POU3F3: variants seen among roughly 807,000 people sequenced by gnomAD.
POU3F3 encodes POU domain, class 3, transcription factor 3.
POU3F3 carries 1 observed loss-of-function variant against 8.6 expected under a neutral mutation model. That is an observed-to-expected ratio of 0.12 (90% CI 0.04 to 0.55). POU3F3 has a LOEUF of 0.55. POU3F3 is among the 20% of genes least tolerant of loss of function. The pLI, the probability that POU3F3 is intolerant of heterozygous loss-of-function variation, is 0.91. For synonymous variants in POU3F3, 418 were observed against 327.4 expected (o/e 1.28, Z -2.99); for missense variants, 577 against 690.7 (o/e 0.84, Z 1.84).
chr2:104,858,998 C>G (rs1676624943), downstream of POU3F3, among the ~76,000 whole-genome samples: 1 of 151,964 alleles, frequency 6.6e-6, no homozygotes, highest in South Asian at 2.1e-4. Context: ...CCCCTCCCAA[C>G]ATGTTCCTGT....
the POU3F3 span, among the ~76,000 whole-genome samples, chr2:104,903,607 C>A: frequency 6.6e-6 from 1 of 152,176 alleles, no homozygotes; most frequent in Non-Finnish European, 1.5e-5. Flanking sequence ...GAGGTAAACT[C>A]TCCTAATTAA....
chr2:104,904,648 A>G, the POU3F3 span, among the ~76,000 whole-genome samples: 2 of 152,150 alleles, frequency 1.3e-5, no homozygotes. Context: ...AATATATGGC[A>G]TGGCACACAC....
chr2:104,894,318 TA>T, the POU3F3 span, among the ~76,000 whole-genome samples: 1 of 152,252 alleles, frequency 6.6e-6, no homozygotes, highest in Non-Finnish European at 1.5e-5. Flanking sequence ...AGTCTGACTT[TA>T]AAAACTGCTT....
chr2:104,881,114 A>AC, the POU3F3 span, among the ~76,000 whole-genome samples: 4 of 100,940 alleles, frequency 4.0e-5, no homozygotes, highest in Non-Finnish European at 8.7e-5. Context: ...TTCTTTCTTT[A>AC]TTTCTTACTT....
chr2:104,898,888 G>A, the POU3F3 span, among the ~76,000 whole-genome samples: 1 of 152,204 alleles, frequency 6.6e-6, no homozygotes, highest in East Asian at 1.9e-4. Flanking sequence ...TTTTTTACCT[G>A]TTAAATTTTT....
the POU3F3 span, among the ~76,000 whole-genome samples, chr2:104,912,370 T>C: frequency 6.6e-6 from 1 of 152,224 alleles, no homozygotes; most frequent in Non-Finnish European, 1.5e-5. Flanking sequence ...GTTCTGCTTC[T>C]ACTCTTGACT....
chr2:104,889,303 GA>G, the POU3F3 span, among the ~76,000 whole-genome samples: 1 of 152,276 alleles, frequency 6.6e-6, no homozygotes, highest in East Asian at 1.9e-4. Flanking sequence ...AGAAAAAAGG[GA>G]AACAGGGACT....
the POU3F3 span, among the ~76,000 whole-genome samples, chr2:104,878,431 C>T: frequency 6.6e-6 from 1 of 152,184 alleles, no homozygotes; most frequent in African/African-American, 2.4e-5. Flanking sequence ...GCACGTACTA[C>T]AGTATAGGCT....
At chr2:104,899,262 A>G in the POU3F3 span, among the ~76,000 whole-genome samples, 1 of 152,224 alleles carries the variant, frequency 6.6e-6, no homozygotes, top group Non-Finnish European at 1.5e-5. Flanking sequence ...CCCACAGAGG[A>G]ACTCCGGGGC....
chr2:104,885,586 T>C, the POU3F3 span, among the ~76,000 whole-genome samples: 5 of 152,172 alleles, frequency 3.3e-5, no homozygotes, highest in East Asian at 3.9e-4. Context: ...ACCAGCACCA[T>C]GACAATTTAC....
At chr2:104,907,955 G>A in the POU3F3 span, among the ~76,000 whole-genome samples, 2 of 152,142 alleles carry the variant, frequency 1.3e-5, no homozygotes, top group African/African-American at 2.4e-5. Context: ...GCATGTGTGT[G>A]TGTGATTTTA....
the POU3F3 span, among the ~76,000 whole-genome samples, chr2:104,877,129 G>A: frequency 6.6e-6 from 1 of 152,084 alleles, no homozygotes; most frequent in Admixed American, 6.5e-5. Flanking sequence ...ACACAAAAGG[G>A]TTATGTTTGG....
the POU3F3 span, among the ~76,000 whole-genome samples, chr2:104,900,547 C>T: frequency 6.6e-6 from 1 of 152,164 alleles, no homozygotes; most frequent in African/African-American, 2.4e-5. Context: ...CTACTCTTCT[C>T]TCGCTGTTGT....
the POU3F3 span, among the ~76,000 whole-genome samples, chr2:104,873,486 G>A: frequency 6.6e-6 from 1 of 152,154 alleles, no homozygotes; most frequent in Non-Finnish European, 1.5e-5. Flanking sequence ...GCCACGCGTA[G>A]TGCCAGGCAA....
At chr2:104,921,252 C>G in the POU3F3 span, among the ~76,000 whole-genome samples, 445 of 152,202 alleles carry the variant, frequency 2.9e-3, 1 homozygote, top group African/African-American at 0.01. Flanking sequence ...ACTGGATGCT[C>G]ATGTGCATGA....
the POU3F3 span, among the ~76,000 whole-genome samples, chr2:104,876,031 G>C: frequency 2.6e-5 from 4 of 152,162 alleles, no homozygotes; most frequent in Non-Finnish European, 4.4e-5. Context: ...TTTAACTTTT[G>C]AATCTAGCTT....
the POU3F3 span, among the ~76,000 whole-genome samples, chr2:104,869,332 T>A: frequency 1.3e-5 from 2 of 152,204 alleles, no homozygotes; most frequent in Non-Finnish European, 2.9e-5. Context: ...AGGGGATAGG[T>A]TTTGTGACAC....
At chr2:104,899,746 A>T in the POU3F3 span, among the ~76,000 whole-genome samples, 5 of 152,226 alleles carry the variant, frequency 3.3e-5, no homozygotes, top group Admixed American at 6.5e-5. Context: ...ATTTCCACAC[A>T]GGAGAGAGGC....
Position 104,854,956 on chromosome 2 carries a change from T to C in POU3F3, c.-555T>C, listed in dbSNP as rs544632860. Among the ~76,000 whole-genome samples, 3 of 152,270 alleles carry C rather than the reference T, an allele frequency of 2.0e-5. No individual in the cohort carries two copies. The highest frequency in any genetic ancestry group is 7.2e-5 in the African/African-American group (3 of 41,572). On this transcript the variant is annotated 5_prime_UTR_variant, in exon 1 of 1. Coordinates refer to ENST00000361360, the MANE Select transcript of POU3F3 (RefSeq NM_006236.3). This position sits in a 1 kb window ranked among gnomAD's most constrained non-coding sequence, Gnocchi z 4.5. The stretch of plus-strand genomic sequence containing the variant: ...CAGCTTCTTTCTTTGTTATCTCCCG[T>C]GAAACCTTCACTTAGCAGGTGGACG...
Sources: gnomAD v4.1 joint callset for allele counts (sites outside exome capture counted in the v4.1 genomes callset) on GRCh38, gnomAD v4.1.1 for gene constraint, Gnocchi (gnomAD v3.1) non-coding constraint, MANE v1.5 for transcripts, NCBI Gene and HGNC (gene_info 2026-07-23, HGNC 2026-07-21) for gene names.